The following TPRG1 variants were observed in gnomAD, a reference collection of about 807,000 sequenced individuals.
TPRG1 encodes tumor protein p63-regulated gene 1 protein.
A neutral mutation model predicts 29.3 loss-of-function variants in TPRG1; 29 were observed. That is an observed-to-expected ratio of 0.99 (90% CI 0.74 to 1.35). The LOEUF is 1.35. Ranked by LOEUF, TPRG1 falls within the 40% of genes most tolerant of loss-of-function variation. The pLI, the probability that TPRG1 is intolerant of heterozygous loss-of-function variation, is 0.00. For synonymous variants in TPRG1, 130 were observed against 116.8 expected, an observed-to-expected ratio of 1.11 and a Z score of -0.73; for missense variants, 327 against 335.0, an observed-to-expected ratio of 0.98 and a Z score of 0.19.
intron 2 of TPRG1, among the ~76,000 whole-genome samples, chr3:189,207,801 A>G (rs867780882): frequency 6.6e-6 from 1 of 152,198 alleles, no homozygotes; most frequent in Non-Finnish European, 1.5e-5. Flanking sequence ...GATTCCACAG[A>G]TAGTATTAAG....
chr3:189,059,690 CTG>C (rs1715972019), intron 4 of TPRG1, among the ~76,000 whole-genome samples: 1 of 151,554 alleles, frequency 6.6e-6, no homozygotes, highest in Admixed American at 6.6e-5. Context: ...CATGAAAAAA[CTG>C]AGGCATAGTG....
At chr3:189,199,890 A>G (rs1160418380) in intron 1 of TPRG1, among the ~76,000 whole-genome samples, 1 of 152,168 alleles carries the variant, frequency 6.6e-6, no homozygotes, top group African/African-American at 2.4e-5. Context: ...AAAAAAAACC[A>G]AAACCAAAAA....
intron 4 of TPRG1, among the ~76,000 whole-genome samples, chr3:189,052,964 A>C (rs552347380): frequency 1.3e-5 from 2 of 152,306 alleles, no homozygotes; most frequent in South Asian, 4.1e-4. Flanking sequence ...GTGATAAAAG[A>C]CTACAAATAT....
chr3:189,103,440 T>A, intron 1 of TPRG1, among the ~76,000 whole-genome samples: 1 of 152,118 alleles, frequency 6.6e-6, no homozygotes, highest in East Asian at 1.9e-4. Flanking sequence ...AGGAGGAGTG[T>A]CAAGGGAAAA....
At chr3:189,236,997 T>C (rs1295343390) in intron 3 of TPRG1, among the ~76,000 whole-genome samples, 1 of 152,206 alleles carries the variant, frequency 6.6e-6, no homozygotes, top group East Asian at 1.9e-4. Flanking sequence ...TCTTTTAATC[T>C]TCTCCCCAAA....
At chr3:189,213,857 TCA>T (rs1735644273) in intron 2 of TPRG1, among the ~76,000 whole-genome samples, 1 of 152,184 alleles carries the variant, frequency 6.6e-6, no homozygotes, top group Non-Finnish European at 1.5e-5. Flanking sequence ...ACAATTTTCT[TCA>T]CACTTTTTAT....
At position 189,238,717 on chromosome 3, in the gene TPRG1, A is replaced by G. The variant is rs560368794; in HGVS notation, c.303-16A>G. 2.5e-6 allele frequency: 4 copies of G among 1,577,962 alleles called. No homozygotes were observed. Among genetic ancestry groups the G allele is most frequent in the South Asian group, 2.3e-5 (2 of 87,244 alleles). On this transcript the variant is annotated splice_polypyrimidine_tract_variant and intron_variant, in intron 3 of 5. Transcript: ENST00000345063. ...GCTGTGTCATCAATTTTTATTTGCT[A>G]TGATGATTCCTATAGGATAGACCAC...
At chr3:189,229,636 C>T (rs1373127562) in intron 3 of TPRG1, among the ~76,000 whole-genome samples, 3 of 152,138 alleles carry the variant, frequency 2.0e-5, no homozygotes, top group East Asian at 1.9e-4. Context: ...TAGCAGAGGG[C>T]GCACACCAGT....
intron 3 of TPRG1, among the ~76,000 whole-genome samples, chr3:189,016,289 C>T (rs180908323): frequency 6.6e-6 from 1 of 152,082 alleles, no homozygotes; most frequent in Non-Finnish European, 1.5e-5. Flanking sequence ...TGGCCAATTC[C>T]TTCCATTTGG....
chr3:189,031,128 A>G (rs1713910982), intron 4 of TPRG1, among the ~76,000 whole-genome samples: 1 of 152,096 alleles, frequency 6.6e-6, no homozygotes, highest in Non-Finnish European at 1.5e-5. Flanking sequence ...TAAAAATACA[A>G]CAACAACAAA....
At chr3:189,202,204 G>T (rs1253203597) in intron 1 of TPRG1, among the ~76,000 whole-genome samples, 1 of 152,154 alleles carries the variant, frequency 6.6e-6, no homozygotes, top group African/African-American at 2.4e-5. Context: ...AAAGCGGAAA[G>T]AATCATCTTA....
intron 4 of TPRG1, among the ~76,000 whole-genome samples, chr3:189,307,990 G>T (rs1721884854): frequency 6.6e-6 from 1 of 152,142 alleles, no homozygotes; most frequent in Non-Finnish European, 1.5e-5. Flanking sequence ...CTGAACTAGA[G>T]AATTCATACC....
chr3:189,047,226 C>T (rs1026524657), intron 4 of TPRG1, among the ~76,000 whole-genome samples: 1 of 152,118 alleles, frequency 6.6e-6, no homozygotes, highest in African/African-American at 2.4e-5. Flanking sequence ...TGCTTCCACT[C>T]TACTGTCTAA....
At chr3:189,215,410 C>T in intron 3 of TPRG1, 27 bp downstream of exon 3, 1 of 1,581,996 alleles carries the variant, frequency 6.3e-7, no homozygotes, top group African/African-American at 1.4e-5. Context: ...AAGTGAAGGG[C>T]CGTGGAAATA....
chr3:189,055,846 G>A (rs573195874), intron 4 of TPRG1, among the ~76,000 whole-genome samples: 3 of 152,146 alleles, frequency 2.0e-5, no homozygotes, highest in African/African-American at 7.2e-5. Context: ...CACCCATTAT[G>A]ATCTGGCTCC....
At chr3:189,055,279 G>A (rs2152141361) in intron 4 of TPRG1, among the ~76,000 whole-genome samples, 1 of 152,216 alleles carries the variant, frequency 6.6e-6, no homozygotes, top group Admixed American at 6.5e-5. Flanking sequence ...TCCTAGCTTA[G>A]GTTTTGATCC....
At chr3:189,193,132 A>ATTTTT (rs555964454) in intron 1 of TPRG1, among the ~76,000 whole-genome samples, 2,590 of 90,060 alleles carry the variant, frequency 0.029, 99 homozygotes, top group East Asian at 0.051. Flanking sequence ...TTGACTTTTA[A>ATTTTT]TTTTTTTTTT....
At chr3:189,089,580 C>T (rs1578327630) in intron 4 of TPRG1, among the ~76,000 whole-genome samples, 1 of 152,086 alleles carries the variant, frequency 6.6e-6, no homozygotes. Flanking sequence ...CTGGTGAGGC[C>T]CTCCTTGCTG....
At chr3:189,282,381 TA>T (rs1308936531) in intron 4 of TPRG1, among the ~76,000 whole-genome samples, 2 of 152,128 alleles carry the variant, frequency 1.3e-5, no homozygotes, top group African/African-American at 4.8e-5. Context: ...TACTTCTACA[TA>T]CTCTTCTAAC....
Sources: gnomAD v4.1 joint callset for allele counts (sites outside exome capture counted in the v4.1 genomes callset) on GRCh38, gnomAD v4.1.1 for gene constraint, MANE v1.5 for transcripts, NCBI Gene and HGNC (gene_info 2026-07-23, HGNC 2026-07-21) for gene names.